SMAD2: variants seen among roughly 807,000 people sequenced by gnomAD.
SMAD2 encodes MAD homolog 2.
SMAD2 carries 8 observed loss-of-function variants against 64.4 expected under a neutral mutation model. The observed-to-expected ratio is 0.12, with a 90% CI of 0.07 to 0.22. SMAD2 has a LOEUF of 0.22. SMAD2 is among the 10% of genes least tolerant of loss of function. The pLI is 1.00. For missense variants in SMAD2, 289 were observed against 561.2 expected (o/e 0.51, Z 4.90); for synonymous variants, 203 against 195.8 (o/e 1.04, Z -0.31).
chr18:47,927,694 G>C (rs369308321), intron 1 of SMAD2, among the ~76,000 whole-genome samples: 9 of 152,330 alleles, frequency 5.9e-5, no homozygotes, highest in African/African-American at 2.2e-4. Flanking sequence ...GAGGTCGGGA[G>C]TTCGAGACCA....
chr18:47,878,296 T>A (rs1294418000), intron 2 of SMAD2: 1 of 152,192 alleles, frequency 6.6e-6, no homozygotes, highest in Non-Finnish European at 1.5e-5. Flanking sequence ...AATGTCCAGA[T>A]ATGTGAGGAA....
chr18:47,919,305 C>T (rs940471511), intron 1 of SMAD2, among the ~76,000 whole-genome samples: 18 of 151,900 alleles, frequency 1.2e-4, no homozygotes, highest in African/African-American at 4.4e-4. Flanking sequence ...ACACACTCTC[C>T]AGGAAGGTCC....
chr18:47,913,852 C>T (rs1313324415), intron 1 of SMAD2, among the ~76,000 whole-genome samples: 1 of 152,186 alleles, frequency 6.6e-6, no homozygotes, highest in Admixed American at 6.5e-5. Context: ...GAATTGAAAT[C>T]TAAGTTCAGA....
At chr18:47,876,666 T>G (rs767650319) in intron 2 of SMAD2, among the ~76,000 whole-genome samples, 1 of 152,110 alleles carries the variant, frequency 6.6e-6, no homozygotes, top group Non-Finnish European at 1.5e-5. Flanking sequence ...ATAGAAATCC[T>G]TATCAAATTT....
At chr18:47,860,067 T>C (rs1171549945) in intron 6 of SMAD2, among the ~76,000 whole-genome samples, 1 of 151,922 alleles carries the variant, frequency 6.6e-6, no homozygotes, top group East Asian at 1.9e-4. Flanking sequence ...GCCTGGGAGG[T>C]TGAGGCTGCC....
rs563957765 is a variant in SMAD2 at position 47,836,771 on chromosome 18, T to TG, written c.*5055dup. On this transcript the variant is annotated 3_prime_UTR_variant, in exon 11 of 11. Coordinates refer to ENST00000262160, the MANE Select transcript of SMAD2 (RefSeq NM_005901.6). Reference sequence around the variant, plus strand: ...TAAGTTCTTATCGTAAATGCTATCATGAGGCTATCTAGTATAGCTCATATT... The same window carrying TG: ...TAAGTTCTTATCGTAAATGCTATCATGGAGGCTATCTAGTATAGCTCATATT... 3.4e-4 allele frequency: 74 copies of TG among 220,654 alleles called. No individual in the cohort carries two copies. The East Asian group carries it at 4.4e-3, about 13-fold the overall frequency. The allele number at this position is 220,654 out of a possible 1,614,324, so 13.7% of individuals were successfully genotyped here.
chr18:47,901,913 G>A (rs949467980), intron 1 of SMAD2, among the ~76,000 whole-genome samples: 1 of 152,168 alleles, frequency 6.6e-6, no homozygotes, highest in African/African-American at 2.4e-5. Context: ...AACTGGGTGT[G>A]TTGAAAATCA....
At position 47,820,500 on chromosome 18, in the gene SMAD2, T is replaced by G. The variant is rs1568014167; in HGVS notation, c.*21327A>C. 1 of 152,042 alleles carries G rather than the reference T, an allele frequency of 6.6e-6. No homozygotes were observed. The highest frequency in any genetic ancestry group is 2.4e-5 in the African/African-American group (1 of 41,384). The allele number at this position is 152,042 out of a possible 1,614,324, so 9.4% of individuals were successfully genotyped here. A position where few individuals can be genotyped will look rare whatever the true frequency, so the allele number is the denominator to read the frequency against. ...AACAAGACAGAAAGGAACCACTAAGTAGGAGGAGGAGAGAAATATGAAGGA... is the reference window on the plus strand; with the variant it reads ...AACAAGACAGAAAGGAACCACTAAGGAGGAGGAGGAGAGAAATATGAAGGA... On this transcript the variant is annotated 3_prime_UTR_variant, in exon 11 of 11. Transcript: ENST00000262160.
intron 2 of SMAD2, among the ~76,000 whole-genome samples, chr18:47,891,621 C>A (rs1355929445): frequency 6.6e-6 from 1 of 151,546 alleles, no homozygotes; most frequent in East Asian, 1.9e-4. Context: ...AATTTCTGGG[C>A]TCAAGTGACC....
intron 1 of SMAD2, among the ~76,000 whole-genome samples, chr18:47,898,952 T>C (rs190370428): frequency 2.9e-4 from 44 of 152,252 alleles, no homozygotes; most frequent in African/African-American, 1.0e-3. Flanking sequence ...CAGTCTGTGT[T>C]ATTCATCTGC....
intron 4 of SMAD2, 33 bp from the exon 5 acceptor site, chr18:47,868,490 A>G: frequency 1.3e-6 from 2 of 1,598,622 alleles, no homozygotes; most frequent in Non-Finnish European, 1.7e-6. Context: ...AGTTAATGGC[A>G]AAGAGCAAAG....
At chr18:47,847,955 G>T (rs1914688195) in intron 8 of SMAD2, among the ~76,000 whole-genome samples, 1 of 152,052 alleles carries the variant, frequency 6.6e-6, no homozygotes, top group Admixed American at 6.6e-5. Context: ...GAAGTCCCCA[G>T]ACCACATTTT....
rs868413896 is a variant in SMAD2 at position 47,834,297 on chromosome 18, A to C, written c.*7530T>G. 9.5e-6 allele frequency: 2 copies of C among 209,826 alleles called. No homozygotes were observed. The highest frequency in any genetic ancestry group is 1.5e-3 in the Middle Eastern group (1 of 646). 13.0% of individuals were successfully genotyped at this position (209,826 alleles called of 1,614,324 possible). ...ACAAGATTAAAAATCAGAGCAAATG[A>C]ATTTCTTAAGTTCAAGATATGTACT... On this transcript the variant is annotated 3_prime_UTR_variant, in exon 11 of 11. Coordinates refer to ENST00000262160, the MANE Select transcript of SMAD2 (RefSeq NM_005901.6).
chr18:47,873,737 G>C (rs1044577665), intron 2 of SMAD2, among the ~76,000 whole-genome samples: 1 of 152,138 alleles, frequency 6.6e-6, no homozygotes, highest in Non-Finnish European at 1.5e-5. Context: ...AAAGCTGAAG[G>C]GAGGTCCAAC....
chr18:47,907,851 C>T (rs778761713), intron 1 of SMAD2, among the ~76,000 whole-genome samples: 2 of 152,168 alleles, frequency 1.3e-5, no homozygotes, highest in Non-Finnish European at 2.9e-5. Flanking sequence ...GAAAGGATCA[C>T]TAGAGCCCAG....
chr18:47,877,600 T>C (rs990696994), intron 2 of SMAD2, among the ~76,000 whole-genome samples: 5 of 152,188 alleles, frequency 3.3e-5, no homozygotes, highest in African/African-American at 1.2e-4. Flanking sequence ...ATTTATCACA[T>C]CACTGAAAAC....
Position 47,841,612 on chromosome 18 carries a change from C to T in SMAD2, c.*215G>A. 1.7e-6 allele frequency: 1 copy of T among 583,474 alleles called. No homozygotes were observed. The highest frequency in any genetic ancestry group is 3.1e-6 in the Non-Finnish European group (1 of 327,644). The allele number at this position is 583,474 out of a possible 1,614,324, so 36.1% of individuals were successfully genotyped here. ...ATTAAGTCTTTAAAATCTTCTCTTC[C>T]TCTTTAATGGGAGAGTATTTCTAGA... On this transcript the variant is annotated 3_prime_UTR_variant, in exon 11 of 11. Transcript: ENST00000262160.
Position 47,838,163 on chromosome 18 carries a change from CA to C in SMAD2, c.*3663del, listed in dbSNP as rs1472389278. 4.3e-6 allele frequency: 1 copy of C among 232,528 alleles called. No homozygotes were observed. The highest frequency in any genetic ancestry group is 2.2e-5 in the African/African-American group (1 of 45,196). The allele number at this position is 232,528 out of a possible 1,614,324, so 14.4% of individuals were successfully genotyped here. On this transcript the variant is annotated 3_prime_UTR_variant, in exon 11 of 11. Transcript: ENST00000262160. The stretch of plus-strand genomic sequence containing the variant: ...CTTCAAAGTCTTAGTCTTAAATTGA[CA>C]AGGGCACAAAAAAAGTGAAATTAAA...
intron 1 of SMAD2, among the ~76,000 whole-genome samples, chr18:47,910,986 A>C (rs1293822934): frequency 6.6e-6 from 1 of 152,226 alleles, no homozygotes; most frequent in African/African-American, 2.4e-5. Flanking sequence ...ACTTTAAATT[A>C]TCAAAAGAAT....
Sources: gnomAD v4.1 joint callset for allele counts (sites outside exome capture counted in the v4.1 genomes callset) on GRCh38, gnomAD v4.1.1 for gene constraint, MANE v1.5 for transcripts, NCBI Gene and HGNC (gene_info 2026-07-23, HGNC 2026-07-21) for gene names.